ZNF821: variants seen among roughly 807,000 people sequenced by gnomAD.
The protein encoded by ZNF821 is zinc finger protein 821.
Under a neutral mutation model 44.3 loss-of-function variants are expected in ZNF821, and 16 were observed. That is an observed-to-expected ratio of 0.36 (90% CI 0.24 to 0.55). The LOEUF (loss-of-function observed/expected upper bound fraction) is 0.55. ZNF821 is among the 20% of genes least tolerant of loss of function. ZNF821 has a pLI of 0.86. For synonymous variants in ZNF821, 204 were observed against 197.6 expected (o/e 1.03, Z -0.27); for missense variants, 436 against 547.6 (o/e 0.80, Z 2.03).
At chr16:71,864,458 A>G (rs1282480739) in intron 5 of ZNF821, among the ~76,000 whole-genome samples, 1 of 152,210 alleles carries the variant, frequency 6.6e-6, no homozygotes, top group African/African-American at 2.4e-5. Context: ...GAGCCAATCA[A>G]TTTTTTTCCC....
chr16:71,867,030 C>T (rs1402825949), intron 4 of ZNF821, among the ~76,000 whole-genome samples: 1 of 152,210 alleles, frequency 6.6e-6, no homozygotes, highest in African/African-American at 2.4e-5. Context: ...GGTCACAGGA[C>T]AGACAGACAA....
chr16:71,860,381 C>T lies in ZNF821; in HGVS notation c.876G>A (p.Glu292=). The change falls in exon 8 of 8, where the codon GAG becomes GAA. Residue 292 remains glutamate, a synonymous_variant. Coordinates refer to ENST00000425432, the MANE Select transcript of ZNF821 (RefSeq NM_001201552.2). The surrounding 1 kb of genome is among the most constrained non-coding windows in gnomAD (Gnocchi z 7.3). ...GGTCCCTCATGCGCCTCACCTCCCG[C>T]TCCTCGGGGGTCTCATTGTCCCGCC... ...KSRRDNETPE[E]REVRRMRDRE... 1 of 1,612,086 alleles carries T rather than the reference C, an allele frequency of 6.2e-7. No homozygotes were observed. The highest frequency in any genetic ancestry group is 8.5e-7 in the Non-Finnish European group (1 of 1,180,020).
chr16:71,864,880 AC>A, intron 5 of ZNF821, 22 bp downstream of exon 5: 2 of 1,613,728 alleles, frequency 1.2e-6, no homozygotes, highest in East Asian at 2.2e-5. Flanking sequence ...CTGGACCTGG[AC>A]CCAGGGGCCA....
At chr16:71,890,279 T>C (rs1351601500) in intron 1 of ZNF821, among the ~76,000 whole-genome samples, 1 of 152,146 alleles carries the variant, frequency 6.6e-6, no homozygotes, top group African/African-American at 2.4e-5. Flanking sequence ...TCATTGTATA[T>C]TCTTTAGTCT....
At chr16:71,862,083 A>G (rs2033964416) in intron 6 of ZNF821, 141 bp from the exon 7 acceptor site, 3 of 980,852 alleles carry the variant, frequency 3.1e-6, no homozygotes, top group Non-Finnish European at 4.4e-6. Context: ...AGCCCCTAGA[A>G]AAGTCAGTCT....
chr16:71,889,436 G>T (rs1161913822), upstream of ZNF821, among the ~76,000 whole-genome samples: 1 of 152,070 alleles, frequency 6.6e-6, no homozygotes, highest in African/African-American at 2.4e-5. Flanking sequence ...ACTTTGGGAG[G>T]CTGAGGTGCA....
intron 1 of ZNF821, chr16:71,890,591 T>C (rs1341594460): frequency 6.6e-6 from 1 of 151,916 alleles, no homozygotes; most frequent in Non-Finnish European, 1.5e-5. Flanking sequence ...TTCGCAATGT[T>C]GACCAGGCTG....
intron 3 of ZNF821, among the ~76,000 whole-genome samples, chr16:71,876,965 G>A (rs1029167083): frequency 2.6e-5 from 4 of 152,124 alleles, no homozygotes; most frequent in Non-Finnish European, 4.4e-5. Context: ...GCATTTTGCT[G>A]TTTTAGCAGC....
intron 6 of ZNF821, among the ~76,000 whole-genome samples, chr16:71,863,401 C>CA (rs2034145703): frequency 9.2e-6 from 1 of 108,594 alleles, no homozygotes; most frequent in Non-Finnish European, 1.8e-5. Context: ...AGCAGAATCT[C>CA]TTTTTTTTTT....
intron 3 of ZNF821, among the ~76,000 whole-genome samples, chr16:71,878,620 T>C (rs1200531624): frequency 6.6e-6 from 1 of 152,096 alleles, no homozygotes; most frequent in Non-Finnish European, 1.5e-5. Context: ...TCTAGAAGTT[T>C]ACTATGCAAT....
chr16:71,862,352 G>A (rs932321327), intron 6 of ZNF821, among the ~76,000 whole-genome samples: 1 of 152,204 alleles, frequency 6.6e-6, no homozygotes, highest in Non-Finnish European at 1.5e-5. Context: ...GCAGGTGCCT[G>A]TAGTCCCAGC....
upstream of ZNF821, among the ~76,000 whole-genome samples, chr16:71,885,075 C>CG (rs2036796813): frequency 6.6e-6 from 1 of 152,090 alleles, no homozygotes; most frequent in Non-Finnish European, 1.5e-5. Context: ...AGGCTGGTCC[C>CG]GAACTCCTGA....
intron 3 of ZNF821, among the ~76,000 whole-genome samples, chr16:71,874,118 C>A (rs1170046743): frequency 6.6e-6 from 1 of 151,944 alleles, no homozygotes; most frequent in Non-Finnish European, 1.5e-5. Flanking sequence ...GCCACCATGC[C>A]CAGCTAATTT....
At chr16:71,894,939 C>G in exon 1 of ZNF821, 1 of 1,005,720 alleles carries the variant, frequency 9.9e-7, no homozygotes, top group Non-Finnish European at 1.5e-6. Context: ...GGAAACACTA[C>G]TGAATTATAC....
At position 71,860,388 on chromosome 16, in the gene ZNF821, G is replaced by A; in HGVS notation, c.869C>T (p.Pro290Leu). 2.5e-6 allele frequency: 4 copies of A among 1,612,168 alleles called. No homozygotes were observed. The highest frequency in any genetic ancestry group is 3.4e-6 in the Non-Finnish European group (4 of 1,180,012). Residue 290 changes from proline (P) to leucine (L), a missense_variant, in exon 8 of 8, where the codon CCC (proline) becomes CTC (leucine). Transcript: ENST00000425432. This position sits in a 1 kb window ranked among gnomAD's most constrained non-coding sequence, Gnocchi z 7.3. ...AKKSRRDNET[P>L]EEREVRRMRD... ...CATGCGCCTCACCTCCCGCTCCTCG[G>A]GGGTCTCATTGTCCCGCCGGCTCTT...
At chr16:71,893,156 C>T (rs1175542578) in intron 1 of ZNF821, among the ~76,000 whole-genome samples, 3 of 150,690 alleles carry the variant, frequency 2.0e-5, no homozygotes, top group Admixed American at 6.7e-5. Flanking sequence ...TCCCGAGTAG[C>T]TGGGACTACA....
chr16:71,867,899 G>C lies in ZNF821; in HGVS notation c.166+13C>G. 6.5e-7 allele frequency: 1 copy of C among 1,535,742 alleles called. No homozygotes were observed. Among genetic ancestry groups the C allele is most frequent in the Non-Finnish European group, 8.7e-7 (1 of 1,146,718 alleles). On this transcript the variant is annotated intron_variant, in intron 4 of 7. Transcript: ENST00000425432. ...CATTGCCCTGAGTCATTACCAGAAG[G>C]TGCAGAACTCACTGCTACTGGAGTC...
rs1203159618 is a variant in ZNF821, at chr16:71,894,743, C to G, written n.448+146G>C. 2.0e-5 allele frequency: 15 copies of G among 760,232 alleles called. 1 individual carries two copies. In the South Asian group the frequency reaches 2.4e-4, roughly 12 times the overall value. 47.1% of individuals were successfully genotyped at this position (760,232 alleles called of 1,614,324 possible). A position where few individuals can be genotyped will look rare whatever the true frequency, so the allele number is the denominator to read the frequency against. ...TAGCGATGCGGTTTCACTATGGTGT[C>G]CAGGCTGGTCTGCAACTCCCGGGCT... On this transcript the variant is annotated intron_variant and non_coding_transcript_variant, in intron 1 of 2. Transcript: ENST00000561700.
chr16:71,863,556 TAAAAA>T (rs1253138695), intron 6 of ZNF821, among the ~76,000 whole-genome samples: 1 of 151,644 alleles, frequency 6.6e-6, no homozygotes, highest in Non-Finnish European at 1.5e-5. Flanking sequence ...CCAACTAATT[TAAAAA>T]AAAATTTTGT....
Sources: gnomAD v4.1 joint callset for allele counts (sites outside exome capture counted in the v4.1 genomes callset) on GRCh38, gnomAD v4.1.1 for gene constraint, Gnocchi (gnomAD v3.1) non-coding constraint, MANE v1.5 for transcripts, NCBI Gene and HGNC (gene_info 2026-07-23, HGNC 2026-07-21) for gene names.